Variants in ARHGEF28 observed in about 807,000 individuals in gnomAD.
ARHGEF28 encodes the protein 190 kDa guanine nucleotide exchange factor.
ARHGEF28 carries 152 observed loss-of-function variants against 206.6 expected under a neutral mutation model. That is an observed-to-expected ratio of 0.74 (90% CI 0.64 to 0.84). The LOEUF (loss-of-function observed/expected upper bound fraction) is 0.84, where lower values mean the gene tolerates loss of function less well. Among genes scored for constraint, ARHGEF28 ranks in the 40% least tolerant of loss-of-function variants. The probability of loss-of-function intolerance (pLI) is 0.00; values close to 1 mark genes in which losing one functional copy is unlikely to be tolerated. For missense variants in ARHGEF28, 2,028 were observed against 2,073.2 expected, an observed-to-expected ratio of 0.98 and a Z score of 0.42; for synonymous variants, 763 against 776.4, an observed-to-expected ratio of 0.98 and a Z score of 0.29.
chr5:73,760,856 G>A (rs1057477338), intron 4 of ARHGEF28, among the ~76,000 whole-genome samples: 5 of 152,120 alleles, frequency 3.3e-5, no homozygotes, highest in Admixed American at 3.3e-4. Context: ...TCTGTTTAAG[G>A]TACTACATGT....
rs541845534 is a variant in ARHGEF28, at chr5:73,784,971, G to A, written c.910+4226G>A. Among the ~76,000 whole-genome samples the A allele has an allele frequency of 7.0e-4, 107 of 152,276 alleles. 1 individual carries two copies. The highest frequency in any genetic ancestry group is 2.5e-3 in the African/African-American group (103 of 41,556). On this transcript the variant is annotated intron_variant, in intron 7 of 35. Transcript: ENST00000513042. ...GAGAGACTAATGGGCAGGTAGCATA[G>A]GCAGCATAAGGACACTGGACAATGA...
At chr5:73,796,632 G>T (rs1317059034) in intron 9 of ARHGEF28, among the ~76,000 whole-genome samples, 2 of 152,258 alleles carry the variant, frequency 1.3e-5, no homozygotes, top group Non-Finnish European at 2.9e-5. Context: ...TTGGCCACAT[G>T]CCAGAGGTGG....
chr5:73,888,390 A>G (rs904558897), intron 26 of ARHGEF28, among the ~76,000 whole-genome samples: 4 of 152,266 alleles, frequency 2.6e-5, no homozygotes, highest in Non-Finnish European at 5.9e-5. Context: ...TACAAATTTC[A>G]TGAAAACCTA....
intron 1 of ARHGEF28, among the ~76,000 whole-genome samples, chr5:73,660,500 A>G (rs1369815716): frequency 6.6e-6 from 1 of 152,160 alleles, no homozygotes; most frequent in Non-Finnish European, 1.5e-5. Context: ...AATGTCCTTA[A>G]TGACATCTAG....
At chr5:73,835,412 G>A (rs1418718999) in intron 10 of ARHGEF28, among the ~76,000 whole-genome samples, 1 of 151,110 alleles carries the variant, frequency 6.6e-6, no homozygotes, top group African/African-American at 2.4e-5. Flanking sequence ...GGAGCTTGCA[G>A]TGAGCCGAGA....
Position 73,841,712 on chromosome 5 carries a change from G to GA in ARHGEF28, c.1427+968dup, listed in dbSNP as rs33935657. On this transcript the variant is annotated intron_variant, in intron 11 of 35. Transcript: ENST00000513042. ...AGAGTGAGACCTGTCTCAAAAAGAA[G>GA]AAAAAAAAAAAAAAAAGAGAGAAAA... Among the ~76,000 whole-genome samples, 622 of 110,772 alleles carry GA rather than the reference G, an allele frequency of 5.6e-3. 12 individuals carry two copies. Among genetic ancestry groups the GA allele is most frequent in the East Asian group, 0.032 (138 of 4,296 alleles). The allele number at this position is 110,772 out of a possible 152,430, so 72.7% of individuals were successfully genotyped here.
At chr5:73,650,283 T>C (rs1209834806) in intron 1 of ARHGEF28, among the ~76,000 whole-genome samples, 1 of 32,406 alleles carries the variant, frequency 3.1e-5, no homozygotes, top group African/African-American at 5.8e-5. Context: ...CTTTCTTTTT[T>C]TTTTTTTTTT....
chr5:73,749,877 A>T lies in ARHGEF28; in HGVS notation c.74A>T (p.Tyr25Phe), dbSNP rs1169007850. The T allele has an allele frequency of 6.2e-7, 1 of 1,614,050 alleles. No homozygotes were observed. Among genetic ancestry groups the T allele is most frequent in the Non-Finnish European group, 8.5e-7 (1 of 1,179,890 alleles). Residue 25 changes from tyrosine (Y) to phenylalanine (F), a missense_variant, in exon 3 of 36, where the codon TAT (tyrosine) becomes TTT (phenylalanine). By Grantham distance (22) the Tyr-to-Phe change is conservative. Coordinates refer to ENST00000513042, the MANE Select transcript of ARHGEF28 (RefSeq NM_001177693.2). Reference protein sequence around the residue: ...MIYAKFDKNVYLPEDAEFYFT... With the variant: ...MIYAKFDKNVFLPEDAEFYFT... ...TATGCGAAGTTTGACAAAAATGTGT[A>T]TCTTCCTGAAGATGCTGAGTTTTAC...
rs150331250 is a variant in ARHGEF28 at position 73,892,074 on chromosome 5, C to T, written c.3410C>T (p.Ser1137Phe). The change falls in exon 27 of 36, where the codon TCC (serine) becomes TTC (phenylalanine). Residue 1137 changes from serine to phenylalanine, a missense_variant. Physicochemically the swap from Ser to Phe is radical, Grantham distance 155. Around this residue, in one of 3 missense-constraint regions of ARHGEF28, gnomAD observed 803 missense variants for 768.0 expected, o/e 1.05. Transcript: ENST00000513042. Reference protein sequence around the residue: ...AAVDQKPSVISLQKLIAREVA... With the variant: ...AAVDQKPSVIFLQKLIAREVA... ...TAGGATCAGAAGCCATCAGTTATTTCCCTTCAAAAGCTTATTGCTAGAGAA... is the reference window on the plus strand; with the variant it reads ...TAGGATCAGAAGCCATCAGTTATTTTCCTTCAAAAGCTTATTGCTAGAGAA... 5 of 1,602,062 alleles carry T rather than the reference C, an allele frequency of 3.1e-6. No individual in the cohort carries two copies. The highest frequency in any genetic ancestry group is 4.3e-6 in the Non-Finnish European group (5 of 1,173,812).
intron 1 of ARHGEF28, among the ~76,000 whole-genome samples, chr5:73,678,963 A>G (rs1257120235): frequency 6.6e-5 from 10 of 152,176 alleles, no homozygotes; most frequent in Non-Finnish European, 1.5e-4. Context: ...ATCATACCTC[A>G]CTGTAGCCTA....
intron 14 of ARHGEF28, among the ~76,000 whole-genome samples, chr5:73,856,165 G>A (rs56143740): frequency 6.6e-6 from 1 of 152,156 alleles, no homozygotes; most frequent in South Asian, 2.1e-4. Flanking sequence ...AAATTAGGAT[G>A]TGTAAGACAC....
chr5:73,771,272 G>A (rs140248189), intron 4 of ARHGEF28, among the ~76,000 whole-genome samples: 1 of 152,344 alleles, frequency 6.6e-6, no homozygotes, highest in Non-Finnish European at 1.5e-5. Flanking sequence ...GCTGGGTGCG[G>A]TGGCTCATGC....
chr5:73,793,515 G>A (rs7724267), intron 7 of ARHGEF28, among the ~76,000 whole-genome samples: 22,828 of 152,128 alleles, frequency 0.15, 4,302 homozygotes, highest in African/African-American at 0.45. Context: ...AAAACTTCAG[G>A]CGTTTCCCCA....
chr5:73,861,427 G>A (rs1307084578), intron 16 of ARHGEF28, among the ~76,000 whole-genome samples: 3 of 152,138 alleles, frequency 2.0e-5, no homozygotes, highest in Non-Finnish European at 4.4e-5. Context: ...ATATTTTAAT[G>A]GAGTTCCTTA....
intron 24 of ARHGEF28, among the ~76,000 whole-genome samples, chr5:73,885,294 T>A (rs72772578): frequency 0.078 from 11,818 of 152,076 alleles, 652 homozygotes; most frequent in African/African-American, 0.15. Flanking sequence ...TAAGTTAGTA[T>A]ATAACACATT....
At chr5:73,768,906 CT>C (rs1471270601) in intron 4 of ARHGEF28, among the ~76,000 whole-genome samples, 1 of 151,932 alleles carries the variant, frequency 6.6e-6, no homozygotes, top group East Asian at 1.9e-4. Context: ...GGGGATGGGT[CT>C]TTCCTGCACT....
At chr5:73,934,025 G>C (rs1274548879) in intron 35 of ARHGEF28, among the ~76,000 whole-genome samples, 2 of 150,972 alleles carry the variant, frequency 1.3e-5, no homozygotes, top group African/African-American at 4.9e-5. Context: ...CTAAAGTTCT[G>C]TTGCCGCCTT....
At chr5:73,722,640 T>A (rs1428713064) in intron 2 of ARHGEF28, among the ~76,000 whole-genome samples, 1 of 152,262 alleles carries the variant, frequency 6.6e-6, no homozygotes, top group Non-Finnish European at 1.5e-5. Context: ...TGGTTCCTGA[T>A]TTAAACTTCA....
chr5:73,741,383 G>GTGTGTGTGTA (rs1751407170), intron 2 of ARHGEF28, among the ~76,000 whole-genome samples: 8 of 18,314 alleles, frequency 4.4e-4, no homozygotes, highest in African/African-American at 2.4e-3. Context: ...GTGTGTGTGT[G>GTGTGTGTGTA]TGTATATATA....
Sources: gnomAD v4.1 joint callset for allele counts (sites outside exome capture counted in the v4.1 genomes callset) on GRCh38, gnomAD v4.1.1 for gene constraint, gnomAD v4.1.1 regional missense constraint, MANE v1.5 for transcripts, NCBI Gene and HGNC (gene_info 2026-07-23, HGNC 2026-07-21) for gene names.